The following MSI1 variants were observed in gnomAD, a reference collection of about 807,000 sequenced individuals.
MSI1 encodes musashi RNA binding protein 1, also known as RNA-binding protein Musashi homolog 1.
Under a neutral mutation model 54.4 loss-of-function variants are expected in MSI1, and 15 were observed. The observed-to-expected ratio is 0.28, with a 90% CI of 0.18 to 0.42. The LOEUF (loss-of-function observed/expected upper bound fraction) is 0.42. MSI1 is among the 20% of genes least tolerant of loss of function. The pLI, the probability that MSI1 is intolerant of heterozygous loss-of-function variation, is 1.00. For synonymous variants in MSI1, 200 were observed against 196.5 expected, an observed-to-expected ratio of 1.02 and a Z score of -0.15; for missense variants, 304 against 506.0, an observed-to-expected ratio of 0.60 and a Z score of 3.83.
chr12:120,356,092 A>G (rs980413029), intron 9 of MSI1, among the ~76,000 whole-genome samples: 4 of 152,128 alleles, frequency 2.6e-5, no homozygotes, highest in Non-Finnish European at 5.9e-5. Flanking sequence ...CACCTCTTCC[A>G]GGAAGTCTCC....
chr12:120,344,571 T>C (rs1158493300), intron 14 of MSI1, among the ~76,000 whole-genome samples: 1 of 152,008 alleles, frequency 6.6e-6, no homozygotes, highest in Admixed American at 6.6e-5. Flanking sequence ...TAGCCAGGCA[T>C]GGTGGCATGC....
chr12:120,346,326 G>T lies in MSI1; in HGVS notation c.860-4C>A, dbSNP rs745397038. ...GCCATCGTCCAGGGGTGAGAGCCTG[G>T]CAACCCAGAAAGAAGACGGTGATAG... On this transcript the variant is annotated splice_polypyrimidine_tract_variant and splice_region_variant and intron_variant, in intron 12 of 14. Transcript: ENST00000257552. The T allele has an allele frequency of 1.9e-5, 29 of 1,527,360 alleles. No individual in the cohort carries two copies. The highest frequency in any genetic ancestry group is 2.6e-5 in the Non-Finnish European group (29 of 1,135,854). The allele number at this position is 1,527,360 out of a possible 1,614,324, so 94.6% of individuals were successfully genotyped here.
intron 4 of MSI1, among the ~76,000 whole-genome samples, chr12:120,366,785 C>T (rs1343716352): frequency 6.6e-6 from 1 of 152,138 alleles, no homozygotes; most frequent in Non-Finnish European, 1.5e-5. Flanking sequence ...GCTCATCTCA[C>T]CCTCCTTCCT....
At chr12:120,340,457 A>C (rs942509669), downstream of MSI1, among the ~76,000 whole-genome samples, 1 of 152,124 alleles carries the variant, frequency 6.6e-6, no homozygotes, top group Admixed American at 6.5e-5. Flanking sequence ...TCTTTGTCCA[A>C]TCCAGTATAT....
In MSI1 at chr12:120,368,768, G is replaced by T; in HGVS notation, c.100+65C>A. On this transcript the variant is annotated intron_variant, in intron 2 of 14. Coordinates refer to ENST00000257552, the MANE Select transcript of MSI1 (RefSeq NM_002442.4). The surrounding 1 kb of genome is among the most constrained non-coding windows in gnomAD (Gnocchi z 6.6). ...GCGCAGGGCCGGGCTGGGGTGTCCG[G>T]GTCCGGGGCGCCGGGGGGTCCGGGG... 7.5e-7 allele frequency: 1 copy of T among 1,334,064 alleles called. No homozygotes were observed. Among genetic ancestry groups the T allele is most frequent in the South Asian group, 1.7e-5 (1 of 58,964 alleles). The allele number at this position is 1,334,064 out of a possible 1,614,324, so 82.6% of individuals were successfully genotyped here. A position where few individuals can be genotyped will look rare whatever the true frequency, so the allele number is the denominator to read the frequency against.
At chr12:120,347,920 C>T (rs189839446) in intron 11 of MSI1, among the ~76,000 whole-genome samples, 14 of 152,330 alleles carry the variant, frequency 9.2e-5, no homozygotes, top group South Asian at 4.1e-4. Context: ...TGGGAGCTCA[C>T]GTCCTTCTTC....
chr12:120,369,063 A>C lies in MSI1; in HGVS notation c.29T>G (p.Leu10Arg). 9.8e-7 allele frequency: 1 copy of C among 1,018,872 alleles called. No individual in the cohort carries two copies. Among genetic ancestry groups the C allele is most frequent in the Non-Finnish European group, 1.2e-6 (1 of 856,140 alleles). 63.1% of individuals were successfully genotyped at this position (1,018,872 alleles called of 1,614,324 possible). A position where few individuals can be genotyped will look rare whatever the true frequency, so the allele number is the denominator to read the frequency against. The part of the protein sequence containing the change: METDAPQPG[L>R]ASPDSPHDPC... ...GTCGTGCGGCGAGTCCGGGGAGGCG[A>C]GGCCGGGCTGGGGCGCGTCAGTCTC... Residue 10 changes from leucine (L) to arginine (R), a missense_variant, in exon 1 of 15, where the codon CTC becomes CGC. Leu to Arg is a moderately radical substitution (Grantham distance 102). Coordinates refer to ENST00000257552, the MANE Select transcript of MSI1 (RefSeq NM_002442.4).
In MSI1 at chr12:120,363,357, C is replaced by T. The variant is rs148211687; in HGVS notation, c.310-222G>A. On this transcript the variant is annotated intron_variant, in intron 5 of 14. Transcript: ENST00000257552. ...CTGGCTGGCTCGAGTGTGCCTCCTT[C>T]CTGCCTCCCTCCCTAGGGACTATGT... 2.6e-3 allele frequency among the ~76,000 whole-genome samples: 391 copies of T among 151,040 alleles called. 2 individuals are homozygous for T. The highest frequency in any genetic ancestry group is 8.9e-3 in the African/African-American group (363 of 40,832).
rs1431834544 is a variant in MSI1 at position 120,368,688 on chromosome 12, C to T, written c.100+145G>A. On this transcript the variant is annotated intron_variant, in intron 2 of 14. Coordinates refer to ENST00000257552, the MANE Select transcript of MSI1 (RefSeq NM_002442.4). The surrounding 1 kb of genome is among the most constrained non-coding windows in gnomAD (Gnocchi z 6.6). ...GCGCTCGCGGATCGCCCTGCGCTCTCGGGGTCTCCGGGCGGGGCGCGAAAG... is the reference window on the plus strand; with the variant it reads ...GCGCTCGCGGATCGCCCTGCGCTCTTGGGGTCTCCGGGCGGGGCGCGAAAG... 14 of 696,656 alleles carry T rather than the reference C, an allele frequency of 2.0e-5. No individual in the cohort carries two copies. Among genetic ancestry groups the T allele is most frequent in the Non-Finnish European group, 2.5e-5 (13 of 511,928 alleles). 43.2% of individuals were successfully genotyped at this position (696,656 alleles called of 1,614,324 possible).
At chr12:120,355,091 T>C (rs1342995865) in intron 9 of MSI1, among the ~76,000 whole-genome samples, 6 of 67,826 alleles carry the variant, frequency 8.8e-5, no homozygotes. Context: ...AATTGGAAAA[T>C]AGAAAGTAGA....
In MSI1 at chr12:120,358,986, G is replaced by A. The variant is rs1363429449; in HGVS notation, c.451+19C>T. 1 of 1,566,116 alleles carries A rather than the reference G, an allele frequency of 6.4e-7. No homozygotes were observed. The highest frequency in any genetic ancestry group is 1.9e-5 in the Admixed American group (1 of 52,122). On this transcript the variant is annotated intron_variant, in intron 7 of 14. Transcript: ENST00000257552. ...GACCACGGGGCCCAGCCTGGGAAGG[G>A]GGAGGGGGCCACACTCACCTCGGTG...
rs955599514 is a variant in MSI1, at chr12:120,368,328, C to T, written c.101-55G>A. On this transcript the variant is annotated intron_variant, in intron 2 of 14. Coordinates refer to ENST00000257552, the MANE Select transcript of MSI1 (RefSeq NM_002442.4). The surrounding 1 kb of genome is among the most constrained non-coding windows in gnomAD (Gnocchi z 6.6). The stretch of plus-strand genomic sequence containing the variant: ...CCCGGGCCCCGCGCCCTTCCCCCCC[C>T]CCCGTCCTTTGCCCCCGGTGACCCC... The T allele has an allele frequency of 4.6e-6, 7 of 1,530,922 alleles. No homozygotes were observed. Among genetic ancestry groups the T allele is most frequent in the East Asian group, 4.9e-5 (2 of 40,626 alleles). The allele number at this position is 1,530,922 out of a possible 1,614,324, so 94.8% of individuals were successfully genotyped here.
At chr12:120,340,148 G>A (rs527460615), downstream of MSI1, among the ~76,000 whole-genome samples, 299 of 150,362 alleles carry the variant, frequency 2.0e-3, no homozygotes, top group Non-Finnish European at 2.7e-3. Context: ...GTGCAGTGGC[G>A]CGACCTTGGC....
chr12:120,354,247 T>A (rs1874882126), intron 9 of MSI1, among the ~76,000 whole-genome samples: 1 of 152,076 alleles, frequency 6.6e-6, no homozygotes, highest in African/African-American at 2.4e-5. Context: ...TGGTCTGGAA[T>A]TACAAGCATG....
At chr12:120,365,393 G>A (rs1043563675) in intron 4 of MSI1, among the ~76,000 whole-genome samples, 4 of 152,134 alleles carry the variant, frequency 2.6e-5, no homozygotes, top group African/African-American at 4.8e-5. Context: ...TGGAGATAAT[G>A]CATACAAAGC....
chr12:120,347,369 T>A, intron 12 of MSI1, 77 bp downstream of exon 12: 1 of 1,512,864 alleles, frequency 6.6e-7, no homozygotes, highest in Non-Finnish European at 9.2e-7. Context: ...GGGGTGGCAG[T>A]GGCCTTCTCC....
chr12:120,362,995 A>G, intron 6 of MSI1, 48 bp downstream of exon 6: 1 of 1,497,334 alleles, frequency 6.7e-7, no homozygotes, highest in South Asian at 1.1e-5. Flanking sequence ...GCCCCATTCT[A>G]CAGTGTGTTC....
Position 120,368,312 on chromosome 12 carries a change from C to T in MSI1, c.101-39G>A, listed in dbSNP as rs1242578584. 6.7e-7 allele frequency: 1 copy of T among 1,500,314 alleles called. No homozygotes were observed. Among genetic ancestry groups the T allele is most frequent in the Non-Finnish European group, 8.8e-7 (1 of 1,130,806 alleles). The allele number at this position is 1,500,314 out of a possible 1,614,324, so 92.9% of individuals were successfully genotyped here. On this transcript the variant is annotated intron_variant, in intron 2 of 14. Transcript: ENST00000257552. The surrounding 1 kb of genome is among the most constrained non-coding windows in gnomAD (Gnocchi z 6.6). Reference sequence around the variant, plus strand: ...CCCGCCTTCGGACCAGCCCGGGCCCCGCGCCCTTCCCCCCCCCCCGTCCTT... The same window carrying T: ...CCCGCCTTCGGACCAGCCCGGGCCCTGCGCCCTTCCCCCCCCCCCGTCCTT...
rs1460694671 is a variant in MSI1 at position 120,341,714 on chromosome 12, T to C, written c.*1413A>G. 1 of 151,860 alleles carries C rather than the reference T, an allele frequency of 6.6e-6. No homozygotes were observed. Among genetic ancestry groups the C allele is most frequent in the Non-Finnish European group, 1.5e-5 (1 of 67,954 alleles). The allele number at this position is 151,860 out of a possible 1,614,324, so 9.4% of individuals were successfully genotyped here. The stretch of plus-strand genomic sequence containing the variant: ...ATCTCAGTAACAAAGATTATTGCTT[T>C]GTGTTCTCAGGGCTGATAGGTTAAG... On this transcript the variant is annotated 3_prime_UTR_variant, in exon 15 of 15. Coordinates refer to ENST00000257552, the MANE Select transcript of MSI1 (RefSeq NM_002442.4).
Sources: gnomAD v4.1 joint callset for allele counts (sites outside exome capture counted in the v4.1 genomes callset) on GRCh38, gnomAD v4.1.1 for gene constraint, Gnocchi (gnomAD v3.1) non-coding constraint, MANE v1.5 for transcripts, NCBI Gene and HGNC (gene_info 2026-07-23, HGNC 2026-07-21) for gene names.